FGF14: variants seen among roughly 807,000 people sequenced by gnomAD.
The protein encoded by FGF14 is fibroblast growth factor homologous factor 4.
A neutral mutation model predicts 25.5 loss-of-function variants in FGF14; 5 were observed. The observed-to-expected ratio is 0.20, with a 90% confidence interval of 0.10 to 0.41. The LOEUF (loss-of-function observed/expected upper bound fraction) is 0.41, where lower values mean the gene tolerates loss of function less well. FGF14 is among the 10% of genes least tolerant of loss of function. The pLI, the probability that FGF14 is intolerant of heterozygous loss-of-function variation, is 1.00. For missense variants in FGF14, 222 were observed against 320.1 expected, an observed-to-expected ratio of 0.69 and a Z score of 2.34; for synonymous variants, 138 against 118.3, an observed-to-expected ratio of 1.17 and a Z score of -1.08.
rs74521915 is a variant in FGF14, at chr13:101,817,642, G to A, written c.408+51083C>T. Among the ~76,000 whole-genome samples, 7 of 152,246 alleles carry A rather than the reference G, an allele frequency of 4.6e-5. No individual in the cohort carries two copies. The South Asian group carries it at 1.2e-3, about 27-fold the overall frequency. Reference sequence around the variant, plus strand: ...ACTTTTTCCCTTTAACTGGTGAAAAGTTGGAGAAATAAAGAGGTTACATTC... The same window carrying A: ...ACTTTTTCCCTTTAACTGGTGAAAAATTGGAGAAATAAAGAGGTTACATTC... On this transcript the variant is annotated intron_variant, in intron 3 of 4. Coordinates refer to ENST00000376143, the MANE Select transcript of FGF14 (RefSeq NM_004115.4).
At chr13:102,173,254 A>C (rs2048318589) in intron 1 of FGF14, among the ~76,000 whole-genome samples, 1 of 152,186 alleles carries the variant, frequency 6.6e-6, no homozygotes. Context: ...TGGTTTTACT[A>C]TTCATGCAAA....
intron 3 of FGF14, among the ~76,000 whole-genome samples, chr13:101,755,907 T>G (rs979238649): frequency 6.6e-6 from 1 of 152,194 alleles, no homozygotes; most frequent in Non-Finnish European, 1.5e-5. Context: ...AAATGGGAGT[T>G]TTTTAATTAA....
intron 1 of FGF14, among the ~76,000 whole-genome samples, chr13:102,140,728 C>G (rs775859294): frequency 6.6e-6 from 1 of 152,148 alleles, no homozygotes; most frequent in African/African-American, 2.4e-5. Flanking sequence ...GACTCCCTGA[C>G]CCTTTAGCAG....
At chr13:101,735,588 T>TC (rs1041168411) in intron 3 of FGF14, among the ~76,000 whole-genome samples, 1 of 151,280 alleles carries the variant, frequency 6.6e-6, no homozygotes, top group Non-Finnish European at 1.5e-5. Context: ...ATCCACCTTT[T>TC]CCCCCTCACT....
At chr13:102,338,192 A>G (rs1189040921) in intron 1 of FGF14, among the ~76,000 whole-genome samples, 1 of 152,174 alleles carries the variant, frequency 6.6e-6, no homozygotes, top group African/African-American at 2.4e-5. Context: ...CCTACTTCCA[A>G]CACAATCTAT....
chr13:101,962,509 G>A (rs529888649), intron 1 of FGF14, among the ~76,000 whole-genome samples: 2 of 152,110 alleles, frequency 1.3e-5, no homozygotes, highest in East Asian at 3.9e-4. Flanking sequence ...AATGACTAAA[G>A]TTGTGATCAA....
At chr13:102,043,256 C>T (rs561005414) in intron 1 of FGF14, among the ~76,000 whole-genome samples, 2 of 152,266 alleles carry the variant, frequency 1.3e-5, no homozygotes, top group African/African-American at 4.8e-5. Flanking sequence ...ATGAAGCACC[C>T]AAGGTCACCT....
chr13:102,299,487 C>T (rs1395016038), intron 1 of FGF14, among the ~76,000 whole-genome samples: 3 of 152,092 alleles, frequency 2.0e-5, no homozygotes, highest in Non-Finnish European at 2.9e-5. Context: ...CCATTACGAT[C>T]ATACTATTGT....
At chr13:101,931,808 T>A (rs927511087) in intron 1 of FGF14, among the ~76,000 whole-genome samples, 1 of 152,208 alleles carries the variant, frequency 6.6e-6, no homozygotes, top group Non-Finnish European at 1.5e-5. Context: ...AAGAACGCGA[T>A]TGACCCATTT....
chr13:102,384,409 C>T (rs919508681), intron 1 of FGF14, among the ~76,000 whole-genome samples: 3 of 152,102 alleles, frequency 2.0e-5, no homozygotes, highest in African/African-American at 7.2e-5. Flanking sequence ...AATTCCTACC[C>T]CTCATTTATG....
intron 3 of FGF14, among the ~76,000 whole-genome samples, chr13:101,828,109 T>TACAC (rs575749670): frequency 2.6e-5 from 4 of 151,960 alleles, no homozygotes; most frequent in Non-Finnish European, 4.4e-5. Context: ...TAAATATGCA[T>TACAC]ACACACACAC....
At chr13:102,310,174 G>C (rs1388380391) in intron 1 of FGF14, among the ~76,000 whole-genome samples, 2 of 152,132 alleles carry the variant, frequency 1.3e-5, no homozygotes, top group South Asian at 2.1e-4. Context: ...CTTTGGAAAG[G>C]CTTTAATTCT....
rs1165011605 is a variant in FGF14 at position 101,784,961 on chromosome 13, T to C, written c.409-58151A>G. On this transcript the variant is annotated intron_variant, in intron 3 of 4. Transcript: ENST00000376143. ...AAAGGGGCCCCAGACATCTATTTCA[T>C]GCATAGTTCTCAGGATCACTTCTAG... 2.6e-5 allele frequency among the ~76,000 whole-genome samples: 4 copies of C among 152,328 alleles called. No homozygotes were observed. In the South Asian group the frequency reaches 6.2e-4, roughly 24 times the overall value.
At chr13:102,372,238 G>A (rs756650913) in intron 1 of FGF14, among the ~76,000 whole-genome samples, 7 of 152,064 alleles carry the variant, frequency 4.6e-5, no homozygotes, top group Non-Finnish European at 8.8e-5. Context: ...TACATAGCAC[G>A]TAGGTAGGGG....
intron 1 of FGF14, among the ~76,000 whole-genome samples, chr13:102,197,981 G>A (rs2049439065): frequency 1.3e-5 from 2 of 152,184 alleles, no homozygotes; most frequent in African/African-American, 4.8e-5. Flanking sequence ...AAATCATGGC[G>A]AAGCAACACT....
At chr13:101,806,288 G>A (rs1310666116) in intron 3 of FGF14, among the ~76,000 whole-genome samples, 2 of 151,886 alleles carry the variant, frequency 1.3e-5, no homozygotes, top group East Asian at 3.9e-4. Context: ...GCATGGTGAT[G>A]TGTGCCTGTA....
At chr13:102,059,176 G>C (rs1005315355) in intron 1 of FGF14, among the ~76,000 whole-genome samples, 1 of 152,156 alleles carries the variant, frequency 6.6e-6, no homozygotes, top group Non-Finnish European at 1.5e-5. Flanking sequence ...AATGTCCTCT[G>C]AAAGTCTAGA....
chr13:102,037,149 T>C (rs1566603412), intron 1 of FGF14, among the ~76,000 whole-genome samples: 1 of 152,186 alleles, frequency 6.6e-6, no homozygotes, highest in Non-Finnish European at 1.5e-5. Context: ...AACTAGATTT[T>C]ATTATGAAGG....
intron 3 of FGF14, among the ~76,000 whole-genome samples, chr13:101,847,035 A>G (rs2043499402): frequency 6.6e-6 from 1 of 152,060 alleles, no homozygotes; most frequent in Non-Finnish European, 1.5e-5. Flanking sequence ...CCTCAATTGA[A>G]GAAGTTAAAA....
Sources: allele counts gnomAD v4.1 joint callset (sites outside exome capture counted in the v4.1 genomes callset), GRCh38; gene constraint gnomAD v4.1.1; transcripts MANE v1.5; gene names NCBI Gene and HGNC (gene_info 2026-07-23, HGNC 2026-07-21).